The following SEZ6L variants were observed in gnomAD, a reference collection of about 807,000 sequenced individuals.
SEZ6L encodes seizure 6-like protein.
Under a neutral mutation model 106.2 loss-of-function variants are expected in SEZ6L, and 37 were observed. The observed-to-expected ratio is 0.35, with a 90% CI of 0.27 to 0.46. The LOEUF (loss-of-function observed/expected upper bound fraction) is 0.46. Ranked by LOEUF, SEZ6L falls within the 20% of genes least tolerant of loss-of-function variation. The probability of loss-of-function intolerance (pLI) is 1.00; values close to 1 mark genes in which losing one functional copy is unlikely to be tolerated. For missense variants in SEZ6L, 1,172 were observed against 1,332.8 expected, an observed-to-expected ratio of 0.88 and a Z score of 1.88; for synonymous variants, 541 against 570.4, an observed-to-expected ratio of 0.95 and a Z score of 0.73.
At chr22:26,219,160 G>A (rs553859641) in intron 1 of SEZ6L, among the ~76,000 whole-genome samples, 1 of 151,548 alleles carries the variant, frequency 6.6e-6, no homozygotes, top group South Asian at 2.1e-4. Context: ...AGTAGAAATA[G>A]CATCACCTTA....
chr22:26,240,499 G>A (rs1036225708), intron 1 of SEZ6L, among the ~76,000 whole-genome samples: 6 of 152,270 alleles, frequency 3.9e-5, no homozygotes, highest in African/African-American at 1.4e-4. Context: ...TGAGTATGTA[G>A]TTAATGGCAT....
intron 1 of SEZ6L, among the ~76,000 whole-genome samples, chr22:26,278,829 C>T (rs80098153): frequency 0.2 from 18,836 of 92,874 alleles, 1,207 homozygotes; most frequent in Middle Eastern, 0.34. Flanking sequence ...GAGAAAGAAA[C>T]AGAAAAAGAA....
At chr22:26,325,034 A>G (rs1036583815) in intron 9 of SEZ6L, among the ~76,000 whole-genome samples, 2 of 152,038 alleles carry the variant, frequency 1.3e-5, no homozygotes, top group African/African-American at 4.8e-5. Context: ...GTGGGCATAG[A>G]CTGGGATTGA....
intron 10 of SEZ6L, among the ~76,000 whole-genome samples, chr22:26,342,259 A>G (rs5761487): frequency 0.25 from 38,219 of 152,070 alleles, 5,315 homozygotes; most frequent in East Asian, 0.39. Context: ...TTAGACTGGC[A>G]TCTTGATTTC....
chr22:26,271,678 G>A (rs1233377427), intron 1 of SEZ6L, among the ~76,000 whole-genome samples: 2 of 152,094 alleles, frequency 1.3e-5, no homozygotes, highest in South Asian at 2.1e-4. Context: ...GATTGCTCCC[G>A]CTTCATCTTC....
chr22:26,193,427 G>C (rs917917541), intron 1 of SEZ6L, among the ~76,000 whole-genome samples: 5 of 152,212 alleles, frequency 3.3e-5, no homozygotes, highest in Non-Finnish European at 7.3e-5. Context: ...TGCCTAGACA[G>C]ACCAATGGCT....
intron 6 of SEZ6L, among the ~76,000 whole-genome samples, chr22:26,308,345 G>A (rs1304652395): frequency 6.6e-6 from 1 of 151,366 alleles, no homozygotes; most frequent in African/African-American, 2.5e-5. Context: ...GGGGGCTGCA[G>A]CAGAAGCTCT....
chr22:26,303,570 C>T (rs1328302746), intron 5 of SEZ6L, among the ~76,000 whole-genome samples: 1 of 152,208 alleles, frequency 6.6e-6, no homozygotes, highest in Non-Finnish European at 1.5e-5. Flanking sequence ...GTCTCAACTG[C>T]TCCACTTATT....
chr22:26,274,107 T>C (rs1267615464), intron 1 of SEZ6L, among the ~76,000 whole-genome samples: 5 of 152,230 alleles, frequency 3.3e-5, no homozygotes. Context: ...TCAGATTATG[T>C]TCAAGTCCCA....
At chr22:26,349,615 C>T (rs2083204599) in intron 11 of SEZ6L, among the ~76,000 whole-genome samples, 1 of 152,318 alleles carries the variant, frequency 6.6e-6, no homozygotes, top group Middle Eastern at 3.4e-3. Flanking sequence ...GTCCTCCCAC[C>T]ACAGCCCCCC....
intron 1 of SEZ6L, among the ~76,000 whole-genome samples, chr22:26,238,660 G>C (rs895254590): frequency 2.6e-5 from 4 of 152,174 alleles, no homozygotes; most frequent in African/African-American, 7.2e-5. Flanking sequence ...GCCAGGCTTC[G>C]CATAAGTTAT....
chr22:26,209,991 GAGGA>G (rs1602042033), intron 1 of SEZ6L, among the ~76,000 whole-genome samples: 2 of 131,382 alleles, frequency 1.5e-5, no homozygotes, highest in Admixed American at 8.2e-5. Context: ...GGAAGGAAGG[GAGGA>G]AGGAAGGAAG....
Position 26,247,621 on chromosome 22 carries a change from C to T in SEZ6L, c.95-44785C>T, listed in dbSNP as rs542591175. Among the ~76,000 whole-genome samples, 14 of 152,204 alleles carry T rather than the reference C, an allele frequency of 9.2e-5. No homozygotes were observed. The South Asian group carries it at 1.9e-3, about 20-fold the overall frequency. On this transcript the variant is annotated intron_variant, in intron 1 of 16. Transcript: ENST00000248933. The stretch of plus-strand genomic sequence containing the variant: ...AAAGACACAAGGAAGGATTCTTCCC[C>T]GGAGCCTACAGAAAAGACATGGCCC...
intron 1 of SEZ6L, among the ~76,000 whole-genome samples, chr22:26,254,387 G>T (rs2079732703): frequency 6.6e-6 from 1 of 152,072 alleles, no homozygotes; most frequent in Admixed American, 6.6e-5. Context: ...GAGGGAGAAG[G>T]GGAAGCAGAA....
At chr22:26,198,717 G>A (rs1415415004) in intron 1 of SEZ6L, among the ~76,000 whole-genome samples, 2 of 152,282 alleles carry the variant, frequency 1.3e-5, no homozygotes, top group South Asian at 2.1e-4. Flanking sequence ...ACAGGGCCTC[G>A]CTAGTTCCCT....
chr22:26,331,384 G>A (rs1293752850), intron 9 of SEZ6L, among the ~76,000 whole-genome samples: 2 of 152,094 alleles, frequency 1.3e-5, no homozygotes, highest in Admixed American at 1.3e-4. Context: ...GTACAAAAAG[G>A]TCTACTGTGA....
intron 1 of SEZ6L, among the ~76,000 whole-genome samples, chr22:26,183,224 G>C (rs907408025): frequency 6.6e-6 from 1 of 152,140 alleles, no homozygotes; most frequent in Non-Finnish European, 1.5e-5. Flanking sequence ...TTTCATCCAA[G>C]ACCTACTTTC....
At position 26,241,745 on chromosome 22, in the gene SEZ6L, T is replaced by G. The variant is rs527312446; in HGVS notation, c.95-50661T>G. On this transcript the variant is annotated intron_variant, in intron 1 of 16. Coordinates refer to ENST00000248933, the MANE Select transcript of SEZ6L (RefSeq NM_021115.5). ...AACACTTCTAAAATTCCCTTAAATA[T>G]AGCTTTTGGGCTCTCAGATTCCCAT... Among the ~76,000 whole-genome samples the G allele has an allele frequency of 5.6e-3, 848 of 152,256 alleles. 35 individuals carry two copies. In the East Asian group the frequency reaches 0.096, roughly 17 times the overall value.
intron 1 of SEZ6L, among the ~76,000 whole-genome samples, chr22:26,255,785 G>A (rs1220581834): frequency 1.3e-5 from 2 of 152,268 alleles, no homozygotes; most frequent in African/African-American, 4.8e-5. Context: ...CACCTGCTCA[G>A]GGAAGGCTTG....
Sources: gnomAD v4.1 joint callset for allele counts (sites outside exome capture counted in the v4.1 genomes callset) on GRCh38, gnomAD v4.1.1 for gene constraint, MANE v1.5 for transcripts, NCBI Gene and HGNC (gene_info 2026-07-23, HGNC 2026-07-21) for gene names.